Variants in PPL observed in about 807,000 individuals in gnomAD.
The protein encoded by PPL is 190 kDa paraneoplastic pemphigus antigen.
A neutral mutation model predicts 194.4 loss-of-function variants in PPL; 198 were observed. The observed-to-expected ratio is 1.02, with a 90% CI of 0.91 to 1.15. The LOEUF is 1.15. Among genes scored for constraint, PPL ranks in the 50% most tolerant of loss-of-function variants. The pLI is 0.00. For missense variants in PPL, 2,885 were observed against 2,294.8 expected (o/e 1.26, Z -5.25); for synonymous variants, 1,220 against 972.4 (o/e 1.25, Z -4.74).
In PPL at chr16:4,882,746, T is replaced by C. The variant is rs1204608870; in HGVS notation, c.*638A>G. The C allele has an allele frequency of 6.5e-6, 1 of 152,680 alleles. No homozygotes were observed. The highest frequency in any genetic ancestry group is 1.5e-5 in the Non-Finnish European group (1 of 68,386). The allele number at this position is 152,680 out of a possible 1,614,324, so 9.5% of individuals were successfully genotyped here. On this transcript the variant is annotated 3_prime_UTR_variant, in exon 22 of 22. Coordinates refer to ENST00000345988, the MANE Select transcript of PPL (RefSeq NM_002705.5). ...TCAAAGGATTTAAATGCCAGAACTG[T>C]GAAACATTCTCTGTAGGTGCCGGGA...
rs985194693 is a variant in PPL, at chr16:4,902,935, C to T, written c.318-409G>A. On this transcript the variant is annotated intron_variant, in intron 3 of 21. Coordinates refer to ENST00000345988, the MANE Select transcript of PPL (RefSeq NM_002705.5). The surrounding 1 kb of genome is among the most constrained non-coding windows in gnomAD (Gnocchi z 4.0). ...AACTCCTGACCTCAGGTGATCCGTC[C>T]GCTTCGGCCTCCCGAAGTGCTGGGA... Among the ~76,000 whole-genome samples the T allele has an allele frequency of 2.6e-5, 4 of 152,140 alleles. No homozygotes were observed. The highest frequency in any genetic ancestry group is 7.2e-5 in the African/African-American group (3 of 41,414).
chr16:4,888,951 G>A, intron 19 of PPL, 27 bp downstream of exon 19: 1 of 1,606,694 alleles, frequency 6.2e-7, no homozygotes, highest in Non-Finnish European at 8.5e-7. Context: ...TGCTGTTTGT[G>A]CTTTGGGCGG....
intron 15 of PPL, 27 bp downstream of exon 15, chr16:4,892,008 C>A (rs777700746): frequency 1.2e-6 from 2 of 1,611,510 alleles, no homozygotes; most frequent in Middle Eastern, 1.7e-4. Flanking sequence ...CCCACCCCAA[C>A]CTCCATGCTG....
chr16:4,892,344 G>A, intron 14 of PPL, 131 bp from the exon 15 acceptor site: 1 of 1,044,124 alleles, frequency 9.6e-7, no homozygotes, highest in Non-Finnish European at 1.4e-6. Context: ...GCACATTCTG[G>A]GGCTCTGACC....
At chr16:4,905,843 A>G (rs914044085) in intron 2 of PPL, among the ~76,000 whole-genome samples, 9 of 152,182 alleles carry the variant, frequency 5.9e-5, no homozygotes, top group African/African-American at 2.2e-4. Context: ...AGTGGCTCAT[A>G]TCTGTAATCT....
At chr16:4,895,561 C>G (rs777349665) in intron 10 of PPL, 33 bp downstream of exon 10, 3 of 1,613,218 alleles carry the variant, frequency 1.9e-6, no homozygotes, top group Admixed American at 3.3e-5. Context: ...CCCCCGCCCC[C>G]CGGGCCAGCA....
Position 4,885,754 on chromosome 16 carries a change from C to T in PPL, c.2901G>A (p.Leu967=), listed in dbSNP as rs1471023651. 1.9e-6 allele frequency: 3 copies of T among 1,612,522 alleles called. No homozygotes were observed. The African/African-American group carries it at 4.0e-5, about 22-fold the overall frequency. Residue 967 remains leucine, a synonymous_variant, in exon 22 of 22, where the codon CTG becomes CTA. Transcript: ENST00000345988. This position sits in a 1 kb window ranked among gnomAD's most constrained non-coding sequence, Gnocchi z 6.3. Reference sequence around the variant, plus strand: ...GCTGCAGTGCCTCCAGCTCCTCCTGCAGCAGCTGGTTCTTGTGCTGCTCCT... The same window carrying T: ...GCTGCAGTGCCTCCAGCTCCTCCTGTAGCAGCTGGTTCTTGTGCTGCTCCT... ...LAEEQHKNQL[L]QEELEALQLQ... is the part of the protein sequence containing the mutation.
In PPL at chr16:4,893,227, C is replaced by T. The variant is rs2142345167; in HGVS notation, c.1636G>A (p.Ala546Thr). The change falls in exon 14 of 22, where the codon GCC (alanine) becomes ACC (threonine). Residue 546 changes from alanine (A) to threonine (T), a missense_variant. Physicochemically the swap from Ala to Thr is moderately conservative, Grantham distance 58. Coordinates refer to ENST00000345988, the MANE Select transcript of PPL (RefSeq NM_002705.5). ...CCCGCAGGTACCTTGAGGTCCTTGG[C>T]CCGCTCGGCACTGTCCTGCACAGCC... The part of the protein sequence containing the change: ...GRAVQDSAER[A>T]KDLKNITNEL... The T allele has an allele frequency of 5.1e-6, 8 of 1,572,460 alleles. No homozygotes were observed. The highest frequency in any genetic ancestry group is 6.0e-6 in the Non-Finnish European group (7 of 1,163,090).
rs780773455 is a variant in PPL at position 4,895,345 on chromosome 16, C to T, written c.1158G>A (p.Gln386=). 2 of 1,613,424 alleles carry T rather than the reference C, an allele frequency of 1.2e-6. No homozygotes were observed. The highest frequency in any genetic ancestry group is 2.2e-5 in the South Asian group (2 of 91,090). ...GGCGGTACTTGAGGGGCACCACCTG[C>T]TGGCCTCGCTTCTGCAGCCCCTGCA... ...DVVQGLQKRG[Q]QVVPLKYRRE... The change falls in exon 11 of 22, where the codon CAG becomes CAA. Residue 386 remains glutamine (Q), a synonymous_variant. Coordinates refer to ENST00000345988, the MANE Select transcript of PPL (RefSeq NM_002705.5).
chr16:4,891,588 T>C (rs929172931), intron 16 of PPL: 9 of 531,394 alleles, frequency 1.7e-5, no homozygotes, highest in Admixed American at 7.3e-5. Flanking sequence ...ATTGCAGATA[T>C]TTGATCTTAA....
At chr16:4,935,936 C>A (rs1044324262) in intron 1 of PPL, among the ~76,000 whole-genome samples, 2 of 152,166 alleles carry the variant, frequency 1.3e-5, no homozygotes, top group African/African-American at 4.8e-5. Flanking sequence ...CTGCCTGAAG[C>A]CTCTTGTCCG....
At chr16:4,917,895 C>A (rs1389961079) in intron 1 of PPL, among the ~76,000 whole-genome samples, 1 of 151,226 alleles carries the variant, frequency 6.6e-6, no homozygotes, top group African/African-American at 2.4e-5. Flanking sequence ...AGAGTGAGAC[C>A]CTGTCTCAAA....
chr16:4,910,475 G>C (rs1222251815), intron 2 of PPL, among the ~76,000 whole-genome samples: 5 of 152,086 alleles, frequency 3.3e-5, no homozygotes, highest in Non-Finnish European at 7.4e-5. Flanking sequence ...TGTTTCCATA[G>C]AGCCTGACCC....
chr16:4,900,115 G>A (rs1429918310), intron 6 of PPL, among the ~76,000 whole-genome samples: 1 of 152,256 alleles, frequency 6.6e-6, no homozygotes, highest in South Asian at 2.1e-4. Flanking sequence ...TCCTTATAGC[G>A]ACACAATGCT....
chr16:4,926,802 C>G (rs1029606586), intron 1 of PPL, among the ~76,000 whole-genome samples: 1 of 140,918 alleles, frequency 7.1e-6, no homozygotes, highest in Non-Finnish European at 1.5e-5. Context: ...TGGCGTGAAC[C>G]TGGGAGGCAG....
chr16:4,891,425 T>C lies in PPL; in HGVS notation c.1968+386A>G, dbSNP rs984710659. ...GAGATACTGGGAACATGGATTGTTATGTGCTTTATGCTTTTTTTTTTTTTT... is the reference window on the plus strand; with the variant it reads ...GAGATACTGGGAACATGGATTGTTACGTGCTTTATGCTTTTTTTTTTTTTT... On this transcript the variant is annotated intron_variant, in intron 16 of 21. Transcript: ENST00000345988. 4.1e-5 allele frequency: 7 copies of C among 171,724 alleles called. No individual in the cohort carries two copies. The East Asian group carries it at 6.2e-4, about 15-fold the overall frequency. The allele number at this position is 171,724 out of a possible 1,614,324, so 10.6% of individuals were successfully genotyped here.
intron 2 of PPL, among the ~76,000 whole-genome samples, chr16:4,906,538 AT>A (rs1203351193): frequency 2.0e-4 from 31 of 152,172 alleles, no homozygotes; most frequent in African/African-American, 7.0e-4. Context: ...TTGGAGTAGA[AT>A]TTTATTCACT....
At chr16:4,895,825 C>G (rs916584558) in intron 9 of PPL, 109 bp from the exon 10 acceptor site, 1 of 1,480,304 alleles carries the variant, frequency 6.8e-7, no homozygotes, top group South Asian at 1.2e-5. Flanking sequence ...TCCGGTTCAC[C>G]TGGAGTCCAG....
intron 1 of PPL, among the ~76,000 whole-genome samples, chr16:4,936,155 C>A (rs545473783): frequency 6.6e-6 from 1 of 152,208 alleles, no homozygotes; most frequent in Non-Finnish European, 1.5e-5. Flanking sequence ...ACATGCCATT[C>A]CCCTCCCAGG....
Sources: gnomAD v4.1 joint callset for allele counts (sites outside exome capture counted in the v4.1 genomes callset) on GRCh38, gnomAD v4.1.1 for gene constraint, Gnocchi (gnomAD v3.1) non-coding constraint, MANE v1.5 for transcripts, NCBI Gene and HGNC (gene_info 2026-07-23, HGNC 2026-07-21) for gene names.